The following DGLUCY variants were observed in gnomAD, a reference collection of about 807,000 sequenced individuals.
DGLUCY encodes the protein D-glutamate cyclase, mitochondrial.
A neutral mutation model predicts 58.5 loss-of-function variants in DGLUCY; 58 were observed. The ratio of observed to expected loss-of-function variants is 0.99; its 90% CI spans 0.80 to 1.23. DGLUCY has a LOEUF of 1.23. Ranked by LOEUF, DGLUCY falls within the 50% of genes most tolerant of loss-of-function variation. The probability of loss-of-function intolerance (pLI) is 0.00; values close to 1 mark genes in which losing one functional copy is unlikely to be tolerated. For missense variants in DGLUCY, 779 were observed against 784.7 expected, an observed-to-expected ratio of 0.99 and a Z score of 0.09; for synonymous variants, 325 against 314.1, an observed-to-expected ratio of 1.03 and a Z score of -0.37.
chr14:91,211,403 G>A (rs1423200604), intron 12 of DGLUCY, among the ~76,000 whole-genome samples: 1 of 152,208 alleles, frequency 6.6e-6, no homozygotes, highest in Admixed American at 6.5e-5. Context: ...GAGATCAGAG[G>A]ACTGACACTA....
At chr14:91,060,669 C>T (rs562517233) in exon 1 of DGLUCY, 115 of 427,092 alleles carry the variant, frequency 2.7e-4, no homozygotes, top group African/African-American at 2.2e-3. Flanking sequence ...TGCTCCACCG[C>T]CGCCTCCTCA....
chr14:91,190,229 C>T (rs551676218), intron 9 of DGLUCY, among the ~76,000 whole-genome samples: 14 of 151,984 alleles, frequency 9.2e-5, no homozygotes, highest in East Asian at 7.7e-4. Context: ...CCTCGTGATC[C>T]GCCCGCCTCG....
At position 91,091,436 on chromosome 14, in the gene DGLUCY, C is replaced by T. The variant is rs1483239796; in HGVS notation, c.-82+30732C>T. Among the ~76,000 whole-genome samples, 4 of 152,224 alleles carry T rather than the reference C, an allele frequency of 2.6e-5. No individual in the cohort carries two copies. In the South Asian group the frequency reaches 6.2e-4, roughly 24 times the overall value. ...ACTTGGGAGGCTGAGGCAGGAGAATCGCTTGAACCTGGGTGGCAGAGGTTG... is the reference window on the plus strand; with the variant it reads ...ACTTGGGAGGCTGAGGCAGGAGAATTGCTTGAACCTGGGTGGCAGAGGTTG... On this transcript the variant is annotated intron_variant, in intron 1 of 4. Transcript: ENST00000521334.
upstream of DGLUCY, among the ~76,000 whole-genome samples, chr14:91,107,334 C>T (rs766456437): frequency 9.2e-5 from 14 of 151,842 alleles, no homozygotes; most frequent in Non-Finnish European, 1.6e-4. Flanking sequence ...GCCTGGCCAA[C>T]GTGGTGAAAC....
chr14:91,151,746 C>T (rs1291089864), intron 1 of DGLUCY, among the ~76,000 whole-genome samples: 1 of 151,864 alleles, frequency 6.6e-6, no homozygotes, highest in Non-Finnish European at 1.5e-5. Context: ...CCTCCGCCTC[C>T]TGAGTTCAAG....
chr14:91,134,219 T>C (rs186470752), intron 1 of DGLUCY, among the ~76,000 whole-genome samples: 1 of 152,186 alleles, frequency 6.6e-6, no homozygotes, highest in South Asian at 2.1e-4. Flanking sequence ...TTGATTGGAA[T>C]TGCCTAGAAT....
intron 13 of DGLUCY, among the ~76,000 whole-genome samples, chr14:91,218,595 G>C (rs993645038): frequency 2.6e-5 from 4 of 151,760 alleles, no homozygotes; most frequent in African/African-American, 9.7e-5. Flanking sequence ...TGGTGACGGG[G>C]TTTCACCATG....
intron 1 of DGLUCY, among the ~76,000 whole-genome samples, chr14:91,085,774 G>T (rs2044206882): frequency 6.6e-6 from 1 of 152,016 alleles, no homozygotes; most frequent in East Asian, 1.9e-4. Flanking sequence ...TCACCATGTT[G>T]CCCAGGCTGG....
Position 91,160,291 on chromosome 14 carries a change from C to T in DGLUCY, c.-4C>T, listed in dbSNP as rs1334333992. 1 of 1,608,754 alleles carries T rather than the reference C, an allele frequency of 6.2e-7. No individual in the cohort carries two copies. Among genetic ancestry groups the T allele is most frequent in the African/African-American group, 1.3e-5 (1 of 74,698 alleles). On this transcript the variant is annotated 5_prime_UTR_variant, in exon 3 of 14. Coordinates refer to ENST00000256324, the MANE Select transcript of DGLUCY (RefSeq NM_001102368.3). ...ATTCTCTGCTACTTATTCAAGTTGACACGATGCCCTTCACACTCCACCTGA... is the reference window on the plus strand; with the variant it reads ...ATTCTCTGCTACTTATTCAAGTTGATACGATGCCCTTCACACTCCACCTGA...
At chr14:91,204,667 C>T (rs1884228330) in intron 11 of DGLUCY, 39 bp from the exon 12 acceptor site, 1 of 1,604,612 alleles carries the variant, frequency 6.2e-7, no homozygotes. Context: ...CCCATTTTGC[C>T]CTGGTCCCGT....
chr14:91,132,529 A>T (rs2046081523), intron 1 of DGLUCY, among the ~76,000 whole-genome samples: 1 of 149,812 alleles, frequency 6.7e-6, no homozygotes, highest in East Asian at 2.0e-4. Flanking sequence ...CCCAGGCTGG[A>T]GTGCAGTGGC....
intron 1 of DGLUCY, among the ~76,000 whole-genome samples, chr14:91,154,810 A>G (rs10148571): frequency 0.26 from 40,056 of 152,156 alleles, 5,949 homozygotes; most frequent in Non-Finnish European, 0.33. Context: ...CTCACTGCTC[A>G]GTACCTTCTG....
At chr14:91,096,826 A>G (rs1455844532) in intron 1 of DGLUCY, among the ~76,000 whole-genome samples, 1 of 152,124 alleles carries the variant, frequency 6.6e-6, no homozygotes, top group African/African-American at 2.4e-5. Context: ...TGGCCCACTG[A>G]GAGGGAGTGG....
In DGLUCY at chr14:91,167,351, C is replaced by T. The variant is rs267604086; in HGVS notation, c.230C>T (p.Pro77Leu). The change falls in exon 4 of 14, where the codon CCC (proline) becomes CTC (leucine). Residue 77 changes from proline (P) to leucine (L), a missense_variant. By Grantham distance (98) the Pro-to-Leu change is moderately conservative (BLOSUM62 -3). Coordinates refer to ENST00000256324, the MANE Select transcript of DGLUCY (RefSeq NM_001102368.3). Reference sequence around the variant, plus strand: ...AGTGAGCCAGAAAAGTGGATGCTGCCCCCTCAAGGTGCTATCTCAGAGACC... The same window carrying T: ...AGTGAGCCAGAAAAGTGGATGCTGCTCCCTCAAGGTGCTATCTCAGAGACC... ...GQSEPEKWML[P>L]PQGAISETRM... The T allele has an allele frequency of 6.2e-7, 1 of 1,614,042 alleles. No homozygotes were observed. Among genetic ancestry groups the T allele is most frequent in the Middle Eastern group, 1.7e-4 (1 of 6,060 alleles).
intron 9 of DGLUCY, among the ~76,000 whole-genome samples, chr14:91,195,442 C>T (rs947086775): frequency 1.6e-4 from 25 of 152,224 alleles, no homozygotes; most frequent in African/African-American, 5.8e-4. Context: ...TTGGAAATCA[C>T]TCCAATATAA....
intron 8 of DGLUCY, among the ~76,000 whole-genome samples, chr14:91,181,966 T>TTTA (rs1303186723): frequency 9.8e-6 from 1 of 101,700 alleles, no homozygotes; most frequent in Non-Finnish European, 2.2e-5. Context: ...TTTATGGCTT[T>TTTA]TTATTTATTT....
At position 91,162,560 on chromosome 14, in the gene DGLUCY, T is replaced by TGAACAAAACCA. The variant is rs1398126189; in HGVS notation, c.103+2164_103+2174dup. Reference sequence around the variant, plus strand: ...TTCTGTTCATCTCCAGCTGTGGAGATGAACAAAACCAAAACAAAACCTGCA... The same window carrying TGAACAAAACCA: ...TTCTGTTCATCTCCAGCTGTGGAGATGAACAAAACCAGAACAAAACCAAAACAAAACCTGCA... On this transcript the variant is annotated intron_variant, in intron 3 of 13. Coordinates refer to ENST00000256324, the MANE Select transcript of DGLUCY (RefSeq NM_001102368.3). 1.8e-3 allele frequency among the ~76,000 whole-genome samples: 280 copies of TGAACAAAACCA among 152,168 alleles called. 3 individuals are homozygous for TGAACAAAACCA. The highest frequency in any genetic ancestry group is 6.5e-3 in the African/African-American group (272 of 41,542).
intron 1 of DGLUCY, among the ~76,000 whole-genome samples, chr14:91,156,725 G>T (rs2047640826): frequency 6.6e-6 from 1 of 152,224 alleles, no homozygotes; most frequent in African/African-American, 2.4e-5. Context: ...AGAGCAGAAA[G>T]GTAGCTTTTT....
Position 91,128,424 on chromosome 14 carries a change from A to T in DGLUCY, c.-82+14141A>T, listed in dbSNP as rs142580585. On this transcript the variant is annotated intron_variant, in intron 1 of 13. Transcript: ENST00000256324. ...GTGGGAGGATCACTTGAGCGCAGGC[A>T]TGGAGGTCACAATGAGCCATGATCA... Among the ~76,000 whole-genome samples, 175 of 151,950 alleles carry T rather than the reference A, an allele frequency of 1.2e-3. 1 individual carries two copies. The highest frequency in any genetic ancestry group is 1.9e-3 in the Non-Finnish European group (131 of 67,960).
Sources: gnomAD v4.1 joint callset for allele counts (sites outside exome capture counted in the v4.1 genomes callset) on GRCh38, gnomAD v4.1.1 for gene constraint, MANE v1.5 for transcripts, NCBI Gene and HGNC (gene_info 2026-07-23, HGNC 2026-07-21) for gene names.